The following NUP214 variants were observed in gnomAD, a reference collection of about 807,000 sequenced individuals.
NUP214 encodes nuclear pore complex protein Nup214.
A neutral mutation model predicts 196.2 loss-of-function variants in NUP214; 79 were observed. The ratio of observed to expected loss-of-function variants is 0.40; its 90% CI spans 0.34 to 0.49. NUP214 has a LOEUF of 0.49. NUP214 is among the 20% of genes least tolerant of loss of function. The pLI is 0.58. For synonymous variants in NUP214, 1,020 were observed against 990.5 expected (o/e 1.03, Z -0.56); for missense variants, 2,468 against 2,539.0 (o/e 0.97, Z 0.60).
At chr9:131,208,581 C>T (rs1036955440) in intron 30 of NUP214, among the ~76,000 whole-genome samples, 1 of 152,292 alleles carries the variant, frequency 6.6e-6, no homozygotes, top group Admixed American at 6.5e-5. Context: ...CCTGTAGTCC[C>T]AGCTACTCGG....
intron 24 of NUP214, among the ~76,000 whole-genome samples, chr9:131,184,026 C>CTTTTTTTTTTTTTTTTTTTTT (rs776765956): frequency 9.6e-5 from 10 of 104,364 alleles, no homozygotes; most frequent in African/African-American, 1.5e-4. Flanking sequence ...TTTTCTTTTT[C>CTTTTTTTTTTTTTTTTTTTTT]TTTTTTTTTT....
intron 21 of NUP214, among the ~76,000 whole-genome samples, chr9:131,169,357 A>T (rs532298391): frequency 8.5e-5 from 13 of 152,248 alleles, no homozygotes; most frequent in African/African-American, 3.1e-4. Flanking sequence ...AAATTAAATA[A>T]AATTGCAAGG....
intron 10 of NUP214, among the ~76,000 whole-genome samples, 177 bp downstream of exon 10, chr9:131,139,584 T>C (rs1011476205): frequency 6.6e-6 from 1 of 152,240 alleles, no homozygotes; most frequent in African/African-American, 2.4e-5. Context: ...CTAAACTGAT[T>C]TGAATGGATG....
chr9:131,151,948 A>G, intron 17 of NUP214, 54 bp downstream of exon 17: 1 of 1,392,068 alleles, frequency 7.2e-7, no homozygotes, highest in Non-Finnish European at 9.7e-7. Context: ...CTCATGTAAC[A>G]ATTGCTACCT....
chr9:131,139,057 G>T (rs1831826439), intron 9 of NUP214, among the ~76,000 whole-genome samples: 5 of 152,114 alleles, frequency 3.3e-5, no homozygotes, highest in African/African-American at 1.2e-4. Context: ...ATAGAGAGGG[G>T]GTTGATTTGG....
intron 11 of NUP214, among the ~76,000 whole-genome samples, chr9:131,143,301 G>A (rs950200935): frequency 2.6e-4 from 39 of 152,072 alleles, no homozygotes; most frequent in African/African-American, 8.4e-4. Flanking sequence ...GAGCCACTGC[G>A]CCCAGCCTTC....
At chr9:131,163,622 C>G (rs1035840292) in intron 19 of NUP214, among the ~76,000 whole-genome samples, 2 of 151,996 alleles carry the variant, frequency 1.3e-5, no homozygotes, top group African/African-American at 4.8e-5. Context: ...GCTTTTAGGC[C>G]AAATGTATAA....
chr9:131,151,822 A>C lies in NUP214; in HGVS notation c.2364A>C (p.Arg788Ser). The C allele has an allele frequency of 6.2e-7, 1 of 1,613,706 alleles. No individual in the cohort carries two copies. ...AGGAAGCCAGAGAACAAAATGAAAG[A>C]AATCGTGACTCTGGTTATCTGCATT... ...GVEEAREQNERNRDSGYLHLL... is the reference protein window; with the variant it reads ...GVEEAREQNESNRDSGYLHLL... Residue 788 changes from arginine to serine, a missense_variant, in exon 17 of 36, where the codon AGA (arginine) becomes AGC (serine). Physicochemically the swap from Arg to Ser is moderately radical, Grantham distance 110. Around this residue, in one of 5 missense-constraint regions of NUP214, gnomAD observed 1,801 missense variants for 1,779.4 expected, o/e 1.01. Coordinates refer to ENST00000359428, the MANE Select transcript of NUP214 (RefSeq NM_005085.4).
At chr9:131,150,456 C>G (rs762693647) in intron 15 of NUP214, 46 bp downstream of exon 15, 1 of 1,598,560 alleles carries the variant, frequency 6.3e-7, no homozygotes, top group Non-Finnish European at 8.6e-7. Context: ...AGCTGACAGA[C>G]TTGGATGGGT....
At chr9:131,131,086 G>C (rs1831531271) in intron 5 of NUP214, among the ~76,000 whole-genome samples, 1 of 152,138 alleles carries the variant, frequency 6.6e-6, no homozygotes, top group South Asian at 2.1e-4. Flanking sequence ...ATGGGTAGCT[G>C]CTTTTTTTTT....
chr9:131,224,060 G>A (rs545138109), intron 32 of NUP214, among the ~76,000 whole-genome samples: 434 of 152,014 alleles, frequency 2.9e-3, no homozygotes, highest in African/African-American at 9.7e-3. Context: ...TTTAATTGAA[G>A]TATATGTTTA....
intron 27 of NUP214, chr9:131,192,573 G>T (rs2131033190): frequency 4.1e-6 from 1 of 242,608 alleles, no homozygotes; most frequent in African/African-American, 2.3e-5. Flanking sequence ...GCTAAATTCT[G>T]TAGTTCATCT....
At position 131,198,610 on chromosome 9, in the gene NUP214, T is replaced by C; in HGVS notation, c.5116T>C (p.Ser1706Pro). The C allele has an allele frequency of 6.2e-7, 1 of 1,614,206 alleles. No individual in the cohort carries two copies. The highest frequency in any genetic ancestry group is 8.5e-7 in the Non-Finnish European group (1 of 1,180,022). Reference protein sequence around the residue: ...TAAATPQVSSSGFSSPAFGTT... With the variant: ...TAAATPQVSSPGFSSPAFGTT... ...AGCTGCCACACCACAGGTCAGCAGC[T>C]CAGGGTTTAGCAGCCCAGCTTTTGG... The change falls in exon 29 of 36, where the codon TCA becomes CCA. Residue 1706 changes from serine (S) to proline (P), a missense_variant. Ser to Pro is a moderately conservative substitution (Grantham distance 74). Coordinates refer to ENST00000359428, the MANE Select transcript of NUP214 (RefSeq NM_005085.4).
rs1834777644 is a variant in NUP214, at chr9:131,228,248, C to T, written c.5991C>T (p.Ala1997=). 6.2e-7 allele frequency: 1 copy of T among 1,605,310 alleles called. No homozygotes were observed. The change falls in exon 33 of 36, where the codon GCC becomes GCT. Residue 1997 remains alanine (A), a synonymous_variant. Coordinates refer to ENST00000359428, the MANE Select transcript of NUP214 (RefSeq NM_005085.4). ...GFGGVPAFGS[A]PAFTSPLGST... ...GAGGGGTGCCAGCATTCGGTTCAGC[C>T]CCAGCCTTTACAAGCCCTCTGGGCT...
In NUP214 at chr9:131,140,547, AG is replaced by A; in HGVS notation, c.1133del. On this transcript the variant is annotated splice_acceptor_variant, in intron 10 of 35. Coordinates refer to ENST00000359428, the MANE Select transcript of NUP214 (RefSeq NM_005085.4). LOFTEE classifies it high-confidence loss of function. ...TTTTATTTTTGTTTTCTTTTTTAAC[AG>A]GTGATGAAAAGACTCTTCCTCCTGC... 2 of 1,593,080 alleles carry A rather than the reference AG, an allele frequency of 1.3e-6. No homozygotes were observed. Among genetic ancestry groups the A allele is most frequent in the African/African-American group, 2.7e-5 (2 of 73,322 alleles).
intron 33 of NUP214, 25 bp from the exon 34 acceptor site, chr9:131,230,605 C>A (rs1834847491): frequency 6.2e-7 from 1 of 1,612,260 alleles, no homozygotes; most frequent in Non-Finnish European, 8.5e-7. Flanking sequence ...CCACTGACCT[C>A]AGTCTGTTTC....
intron 9 of NUP214, chr9:131,136,350 A>G (rs1275403760): frequency 1.1e-5 from 2 of 177,970 alleles, no homozygotes; most frequent in African/African-American, 2.4e-5. Context: ...TGTTTTATCA[A>G]GTTTCTGCGT....
chr9:131,129,525 A>C (rs3736957), intron 4 of NUP214, 48 bp downstream of exon 4: 374,104 of 1,545,744 alleles, frequency 0.24, 46,897 homozygotes, highest in East Asian at 0.42. Flanking sequence ...ATGGTCATCT[A>C]CTTAAGAATT....
intron 21 of NUP214, among the ~76,000 whole-genome samples, chr9:131,170,748 A>G (rs1269052535): frequency 6.6e-6 from 1 of 152,042 alleles, no homozygotes; most frequent in African/African-American, 2.4e-5. Flanking sequence ...GAAATCCTCC[A>G]TGGATACTAA....
Sources: gnomAD v4.1 joint callset for allele counts (sites outside exome capture counted in the v4.1 genomes callset) on GRCh38, gnomAD v4.1.1 for gene constraint, gnomAD v4.1.1 regional missense constraint, MANE v1.5 for transcripts, NCBI Gene and HGNC (gene_info 2026-07-23, HGNC 2026-07-21) for gene names.